DNAJB13: variants seen among roughly 807,000 people sequenced by gnomAD.
The protein encoded by DNAJB13 is DnaJ heat shock protein family (Hsp40) member B13.
Under a neutral mutation model 35.6 loss-of-function variants are expected in DNAJB13, and 22 were observed. The ratio of observed to expected loss-of-function variants is 0.62; its 90% confidence interval spans 0.44 to 0.88. The LOEUF is 0.88. DNAJB13 is among the 40% of genes least tolerant of loss of function. The pLI, the probability that DNAJB13 is intolerant of heterozygous loss-of-function variation, is 0.00. For missense variants in DNAJB13, 370 were observed against 384.3 expected, an observed-to-expected ratio of 0.96 and a Z score of 0.31; for synonymous variants, 136 against 144.2, an observed-to-expected ratio of 0.94 and a Z score of 0.41.
intron 3 of DNAJB13, chr11:73,964,466 TACCAGCA>T: frequency 4.3e-6 from 1 of 230,432 alleles, no homozygotes; most frequent in Admixed American, 5.3e-5. Context: ...TGCCGAGGAC[TACCAGCA>T]GTCTCTTCTG....
intron 3 of DNAJB13, among the ~76,000 whole-genome samples, chr11:73,960,437 C>T (rs1176245916): frequency 6.6e-6 from 1 of 152,232 alleles, no homozygotes; most frequent in Non-Finnish European, 1.5e-5. Flanking sequence ...CCACCTCTGC[C>T]TCCCAAAGTG....
At chr11:73,965,563 G>T (rs1483033504) in intron 4 of DNAJB13, 3 of 161,142 alleles carry the variant, frequency 1.9e-5, no homozygotes, top group African/African-American at 7.2e-5. Context: ...ATAAGAGCAA[G>T]CCCCCTCCAC....
intron 3 of DNAJB13, among the ~76,000 whole-genome samples, chr11:73,962,113 C>A (rs1456702012): frequency 5.9e-5 from 9 of 152,256 alleles, no homozygotes; most frequent in Admixed American, 4.6e-4. Context: ...TTTTTAATTA[C>A]TGTCTTATTG....
intron 1 of DNAJB13, among the ~76,000 whole-genome samples, chr11:73,951,935 C>T (rs914191516): frequency 4.6e-5 from 7 of 151,892 alleles, no homozygotes; most frequent in African/African-American, 1.2e-4. Context: ...TGTGAGTCAC[C>T]GCACCTGGCC....
rs757590887 is a variant in DNAJB13, at chr11:73,964,878, A to G, written c.335A>G (p.Glu112Gly). 2.5e-6 allele frequency: 4 copies of G among 1,612,452 alleles called. No homozygotes were observed. Among genetic ancestry groups the G allele is most frequent in the South Asian group, 2.2e-5 (2 of 91,008 alleles). ...EFFGGNNPFS[E>G]FFDAEGSEVD... The stretch of plus-strand genomic sequence containing the variant: ...TTACTCCTCTCCCTACCTCCTGCAG[A>G]GTTTTTTGATGCAGAAGGAAGTGAG... Residue 112 changes from glutamate to glycine, a missense_variant and splice_region_variant, in exon 4 of 8, where the codon GAG (glutamate) becomes GGG (glycine). Coordinates refer to ENST00000339764, the MANE Select transcript of DNAJB13 (RefSeq NM_153614.4).
intron 1 of DNAJB13, among the ~76,000 whole-genome samples, chr11:73,951,346 A>G (rs1950581008): frequency 6.6e-6 from 1 of 152,020 alleles, no homozygotes; most frequent in Non-Finnish European, 1.5e-5. Context: ...TCTGCTCCCA[A>G]CCCATCTCCC....
At chr11:73,968,295 A>G (rs1951178799) in intron 5 of DNAJB13, 50 bp from the exon 6 acceptor site, 4 of 1,546,012 alleles carry the variant, frequency 2.6e-6, no homozygotes, top group Non-Finnish European at 2.7e-6. Flanking sequence ...AACTTGGCCA[A>G]GGTCACACGG....
chr11:73,962,299 C>T (rs536376413), intron 3 of DNAJB13, among the ~76,000 whole-genome samples: 2 of 151,688 alleles, frequency 1.3e-5, no homozygotes, highest in Admixed American at 1.3e-4. Context: ...CAAATCCCAG[C>T]CTAGCATCTG....
chr11:73,958,310 C>T lies in DNAJB13; in HGVS notation c.69-7C>T, dbSNP rs1370173484. The T allele has an allele frequency of 1.2e-6, 2 of 1,613,870 alleles. No homozygotes were observed. Among genetic ancestry groups the T allele is most frequent in the African/African-American group, 2.7e-5 (2 of 74,942 alleles). ...GATAAGACTTGTATTAATTCTCCCTCTTCCAGGTACCGCAGACTCGCCCTT... is the reference window on the plus strand; with the variant it reads ...GATAAGACTTGTATTAATTCTCCCTTTTCCAGGTACCGCAGACTCGCCCTT... On this transcript the variant is annotated splice_region_variant and splice_polypyrimidine_tract_variant and intron_variant, in intron 1 of 7. Transcript: ENST00000339764.
At chr11:73,964,853 T>C (rs1951058744) in intron 3 of DNAJB13, 25 bp from the exon 4 acceptor site, 2 of 1,603,486 alleles carry the variant, frequency 1.2e-6, no homozygotes, top group Non-Finnish European at 1.7e-6. Context: ...ACAATTTCTC[T>C]TACTCCTCTC....
At chr11:73,954,232 A>G (rs1393262111) in intron 1 of DNAJB13, among the ~76,000 whole-genome samples, 2 of 151,834 alleles carry the variant, frequency 1.3e-5, no homozygotes, top group Non-Finnish European at 2.9e-5. Flanking sequence ...AGGCTGAGAC[A>G]GGAGAATTGC....
At chr11:73,962,410 T>C (rs992958282) in intron 3 of DNAJB13, among the ~76,000 whole-genome samples, 1 of 1,282 alleles carries the variant, frequency 7.8e-4, no homozygotes, top group African/African-American at 2.6e-3. Context: ...ACATGGTGGG[T>C]GGGTGGGTGG....
At chr11:73,958,468 T>G in intron 2 of DNAJB13, 48 bp downstream of exon 2, 1 of 1,551,342 alleles carries the variant, frequency 6.4e-7, no homozygotes, top group Non-Finnish European at 8.9e-7. Flanking sequence ...GATCATTCCT[T>G]AAGTCTCTAG....
chr11:73,964,416 C>T (rs993304175), intron 3 of DNAJB13: 20 of 186,242 alleles, frequency 1.1e-4, no homozygotes, highest in Non-Finnish European at 1.1e-5. Flanking sequence ...GTTATGGAGT[C>T]TGGGGAAGAG....
chr11:73,951,193 T>C, intron 1 of DNAJB13, 56 bp downstream of exon 1: 1 of 1,599,998 alleles, frequency 6.3e-7, no homozygotes, highest in Non-Finnish European at 8.6e-7. Flanking sequence ...CCCTGCCCTC[T>C]TCTCTTCCAA....
chr11:73,965,986 C>T (rs756994827), intron 4 of DNAJB13, 152 bp from the exon 5 acceptor site: 17 of 700,762 alleles, frequency 2.4e-5, no homozygotes, highest in South Asian at 1.1e-4. Context: ...AGGCTCTTCC[C>T]ATTGCTAGAG....
At chr11:73,964,802 T>TGTGC in intron 3 of DNAJB13, 76 bp from the exon 4 acceptor site, 1 of 774,490 alleles carries the variant, frequency 1.3e-6, no homozygotes, top group Non-Finnish European at 2.0e-6. Flanking sequence ...TGTGTGTGTG[T>TGTGC]GTGTGTGTGT....
intron 3 of DNAJB13, 128 bp downstream of exon 3, chr11:73,959,783 G>A: frequency 1.0e-6 from 1 of 974,444 alleles, no homozygotes; most frequent in Non-Finnish European, 1.4e-6. Flanking sequence ...TTTTTTTGGA[G>A]ATGGAGACTC....
At chr11:73,964,601 TGTCC>T in intron 3 of DNAJB13, 1 of 370,514 alleles carries the variant, frequency 2.7e-6, no homozygotes, top group Non-Finnish European at 4.9e-6. Context: ...GGGGGGGGAA[TGTCC>T]CAAGGGGAGG....
Sources: allele counts gnomAD v4.1 joint callset (sites outside exome capture counted in the v4.1 genomes callset), GRCh38; gene constraint gnomAD v4.1.1; transcripts MANE v1.5; gene names NCBI Gene and HGNC (gene_info 2026-07-23, HGNC 2026-07-21).